TMEFF2: variants seen among roughly 807,000 people sequenced by gnomAD.
TMEFF2 encodes transmembrane protein with EGF like and two follistatin like domains 2.
Under a neutral mutation model 53.8 loss-of-function variants are expected in TMEFF2, and 28 were observed. That is an observed-to-expected ratio of 0.52 (90% CI 0.39 to 0.71). TMEFF2 has a LOEUF of 0.71. Among genes scored for constraint, TMEFF2 ranks in the 30% least tolerant of loss-of-function variants. The pLI is 0.00. For missense variants in TMEFF2, 353 were observed against 455.2 expected, an observed-to-expected ratio of 0.78 and a Z score of 2.04; for synonymous variants, 162 against 166.3, an observed-to-expected ratio of 0.97 and a Z score of 0.20.
intron 4 of TMEFF2, among the ~76,000 whole-genome samples, chr2:192,124,481 C>T (rs1574394146): frequency 6.6e-6 from 1 of 152,178 alleles, no homozygotes; most frequent in East Asian, 1.9e-4. Context: ...ATGGATGCTC[C>T]ATTCTTTCTT....
At chr2:192,037,789 A>T (rs1288149652) in intron 5 of TMEFF2, 1 of 152,148 alleles carries the variant, frequency 6.6e-6, no homozygotes, top group African/African-American at 2.4e-5. Context: ...TTCAAGTACT[A>T]TACACATTCT....
At chr2:192,106,140 C>A (rs778827620) in intron 4 of TMEFF2, among the ~76,000 whole-genome samples, 4 of 150,748 alleles carry the variant, frequency 2.7e-5, no homozygotes, top group Non-Finnish European at 5.9e-5. Context: ...TTGAAATGTC[C>A]AAAAATAGAA....
chr2:191,987,539 T>G (rs1183662961), intron 7 of TMEFF2, among the ~76,000 whole-genome samples: 2 of 152,136 alleles, frequency 1.3e-5, no homozygotes, highest in Non-Finnish European at 1.5e-5. Context: ...CCTGAATAGC[T>G]GGGACTACAG....
At chr2:192,166,299 C>G (rs181889664) in intron 4 of TMEFF2, among the ~76,000 whole-genome samples, 16 of 152,228 alleles carry the variant, frequency 1.1e-4, no homozygotes, top group African/African-American at 3.9e-4. Context: ...AGAGAGTTAT[C>G]GGAATGCCTA....
chr2:192,130,478 AGAAGT>A (rs929478226), intron 4 of TMEFF2, among the ~76,000 whole-genome samples: 3 of 152,118 alleles, frequency 2.0e-5, no homozygotes, highest in Non-Finnish European at 4.4e-5. Flanking sequence ...GAATCACAAA[AGAAGT>A]GAAAAGGCCC....
chr2:192,010,458 A>AGAGT (rs1277283335), intron 5 of TMEFF2, among the ~76,000 whole-genome samples: 7 of 152,214 alleles, frequency 4.6e-5, no homozygotes, highest in Non-Finnish European at 8.8e-5. Context: ...GTACCCTCCT[A>AGAGT]GAGTGAACCC....
At chr2:192,071,445 G>A (rs986923497) in intron 4 of TMEFF2, among the ~76,000 whole-genome samples, 13 of 151,848 alleles carry the variant, frequency 8.6e-5, no homozygotes, top group Non-Finnish European at 1.5e-4. Flanking sequence ...CATGTAGGAT[G>A]AGGTCTATAT....
At position 192,184,436 on chromosome 2, in the gene TMEFF2, G is replaced by T. The variant is rs533973355; in HGVS notation, c.330C>A (p.Tyr110Ter). The T allele has an allele frequency of 6.2e-7, 1 of 1,613,366 alleles. No individual in the cohort carries two copies. Among genetic ancestry groups the T allele is most frequent in the Non-Finnish European group, 8.5e-7 (1 of 1,179,528 alleles). The stretch of plus-strand genomic sequence containing the variant: ...CCTGTCGCAGGTAACACTCATTCTG[G>T]TAGCTCTCCCCATTGGAGCCACACA... Reference protein sequence around the residue: ...VPVCGSNGESYQNECYLRQAA... With the variant: ...VPVCGSNGES Residue 110 changes from tyrosine to a stop codon, truncating the protein, a stop_gained, in exon 3 of 10, where the codon TAC (tyrosine) becomes TAA (stop). Transcript: ENST00000272771. LOFTEE classifies it high-confidence loss of function.
chr2:191,987,719 A>G (rs1686013482), intron 7 of TMEFF2, among the ~76,000 whole-genome samples: 1 of 152,224 alleles, frequency 6.6e-6, no homozygotes. Context: ...GACTAAGTCA[A>G]AAGTTCTGCA....
intron 4 of TMEFF2, among the ~76,000 whole-genome samples, chr2:192,100,858 T>C (rs190015508): frequency 1.8e-3 from 268 of 152,306 alleles, no homozygotes; most frequent in African/African-American, 5.5e-3. Flanking sequence ...CAGGAGTGTA[T>C]ACCATCACAA....
chr2:192,050,899 C>T (rs941940765), intron 5 of TMEFF2, among the ~76,000 whole-genome samples: 1 of 152,164 alleles, frequency 6.6e-6, no homozygotes, highest in African/African-American at 2.4e-5. Context: ...ACATTTTCCC[C>T]TTGAAATTCT....
intron 4 of TMEFF2, among the ~76,000 whole-genome samples, chr2:192,145,345 G>A (rs1237137942): frequency 1.3e-5 from 2 of 151,876 alleles, no homozygotes; most frequent in Non-Finnish European, 1.5e-5. Context: ...AAATATGTGT[G>A]CATTTCTTTT....
intron 7 of TMEFF2, among the ~76,000 whole-genome samples, chr2:191,989,906 T>A (rs1686062133): frequency 6.6e-6 from 1 of 152,150 alleles, no homozygotes; most frequent in African/African-American, 2.4e-5. Context: ...TCTTCTTGCA[T>A]ACTGAAACAC....
At chr2:192,109,055 T>C (rs889376358) in intron 4 of TMEFF2, among the ~76,000 whole-genome samples, 4 of 152,172 alleles carry the variant, frequency 2.6e-5, no homozygotes, top group African/African-American at 9.6e-5. Context: ...GGGTAGTGTT[T>C]CTGTTTAGTG....
intron 4 of TMEFF2, among the ~76,000 whole-genome samples, chr2:192,129,307 C>T (rs142116947): frequency 2.0e-5 from 3 of 151,406 alleles, no homozygotes; most frequent in South Asian, 2.1e-4. Flanking sequence ...ATATAACCCA[C>T]GGGTTATTTT....
At chr2:191,963,412 C>T (rs1692327126) in intron 7 of TMEFF2, among the ~76,000 whole-genome samples, 1 of 152,160 alleles carries the variant, frequency 6.6e-6, no homozygotes, top group South Asian at 2.1e-4. Context: ...AAGAAAGAAG[C>T]AACGGGTCAG....
At chr2:192,191,086 G>A (rs1691450388) in intron 2 of TMEFF2, among the ~76,000 whole-genome samples, 1 of 152,090 alleles carries the variant, frequency 6.6e-6, no homozygotes. Context: ...TGAACACTTT[G>A]AGAGGAAAAG....
At chr2:192,078,994 C>G (rs1181017257) in intron 4 of TMEFF2, among the ~76,000 whole-genome samples, 1 of 152,104 alleles carries the variant, frequency 6.6e-6, no homozygotes, top group East Asian at 1.9e-4. Flanking sequence ...AATATGGCAG[C>G]CTTGGAGGCA....
At chr2:191,958,760 C>T (rs1692180917) in intron 7 of TMEFF2, among the ~76,000 whole-genome samples, 1 of 152,074 alleles carries the variant, frequency 6.6e-6, no homozygotes, top group Non-Finnish European at 1.5e-5. Flanking sequence ...TTATGCTGCT[C>T]ATAGGATACT....
Sources: allele counts gnomAD v4.1 joint callset (sites outside exome capture counted in the v4.1 genomes callset), GRCh38; gene constraint gnomAD v4.1.1; transcripts MANE v1.5; gene names NCBI Gene and HGNC (gene_info 2026-07-23, HGNC 2026-07-21).